Variants in CRIM1 observed in about 807,000 individuals in gnomAD.
The protein encoded by CRIM1 is cysteine rich transmembrane BMP regulator 1.
In CRIM1, 32 loss-of-function variants were observed where a neutral mutation model predicts 116.4. The ratio of observed to expected loss-of-function variants is 0.27; its 90% CI spans 0.21 to 0.37. CRIM1 has a LOEUF of 0.37. Ranked by LOEUF, CRIM1 falls within the 10% of genes least tolerant of loss-of-function variation. The pLI is 1.00. For synonymous variants in CRIM1, 590 were observed against 509.2 expected, an observed-to-expected ratio of 1.16 and a Z score of -2.13; for missense variants, 1,331 against 1,354.8, an observed-to-expected ratio of 0.98 and a Z score of 0.28.
rs964868501 is a variant in CRIM1, at chr2:36,549,485, T to C, written c.*784T>C. ...GTGAGCACTGGAGCTTTTTTTTTTT[T>C]ACAACGTGACAGGAAGAGGAGGGAG... On this transcript the variant is annotated 3_prime_UTR_variant, in exon 17 of 17. Transcript: ENST00000280527. 2.7e-5 allele frequency: 4 copies of C among 149,982 alleles called. No individual in the cohort carries two copies. Among genetic ancestry groups the C allele is most frequent in the Admixed American group, 6.7e-5 (1 of 15,022 alleles). 9.3% of individuals were successfully genotyped at this position (149,982 alleles called of 1,614,324 possible).
intron 5 of CRIM1, 66 bp from the exon 6 acceptor site, chr2:36,476,823 A>G (rs567306685): frequency 2.2e-6 from 3 of 1,382,298 alleles, no homozygotes; most frequent in Non-Finnish European, 3.0e-6. Flanking sequence ...GGCTGTTTGA[A>G]AAACATCAAA....
At chr2:36,503,632 A>T (rs563369478) in intron 8 of CRIM1, among the ~76,000 whole-genome samples, 8 of 148,700 alleles carry the variant, frequency 5.4e-5, no homozygotes, top group African/African-American at 2.0e-4. Context: ...TTTTCATTTC[A>T]TTGTAACCCT....
In CRIM1 at chr2:36,486,572, G is replaced by A. The variant is rs1165984550; in HGVS notation, c.1372+6878G>A. Among the ~76,000 whole-genome samples, 9 of 152,168 alleles carry A rather than the reference G, an allele frequency of 5.9e-5. No individual in the cohort carries two copies. In the East Asian group the frequency reaches 1.3e-3, roughly 23 times the overall value. ...TGATTAGAAATTCCTCTGCCCCTGA[G>A]TTTACAGAGCTCAGCTGTTAAGTAT... On this transcript the variant is annotated intron_variant, in intron 7 of 16. Transcript: ENST00000280527.
intron 7 of CRIM1, among the ~76,000 whole-genome samples, chr2:36,498,258 G>T (rs1680741248): frequency 6.6e-6 from 1 of 152,146 alleles, no homozygotes; most frequent in South Asian, 2.1e-4. Flanking sequence ...CATTACAGCA[G>T]ATTTTGTGTT....
At chr2:36,406,539 A>G (rs1386736342) in intron 2 of CRIM1, among the ~76,000 whole-genome samples, 3 of 151,964 alleles carry the variant, frequency 2.0e-5, no homozygotes, top group African/African-American at 7.2e-5. Flanking sequence ...TGCTCATGTC[A>G]GGAAAAACCT....
At chr2:36,381,637 TC>T (rs375793096) in intron 1 of CRIM1, among the ~76,000 whole-genome samples, 21 of 152,228 alleles carry the variant, frequency 1.4e-4, no homozygotes, top group African/African-American at 4.8e-4. Context: ...TAAAGAAACT[TC>T]CAGCCAGGTG....
chr2:36,548,812 G>C lies in CRIM1; in HGVS notation c.*111G>C. On this transcript the variant is annotated 3_prime_UTR_variant, in exon 17 of 17. Coordinates refer to ENST00000280527, the MANE Select transcript of CRIM1 (RefSeq NM_016441.3). Reference sequence around the variant, plus strand: ...AGTGGATTGTATTGGATTGTGACTTGATGTACAGCGCTAAGACCTTACTGG... The same window carrying C: ...AGTGGATTGTATTGGATTGTGACTTCATGTACAGCGCTAAGACCTTACTGG... The C allele has an allele frequency of 1.1e-6, 1 of 874,346 alleles. No individual in the cohort carries two copies. Among genetic ancestry groups the C allele is most frequent in the Non-Finnish European group, 1.8e-6 (1 of 570,636 alleles). 54.2% of individuals were successfully genotyped at this position (874,346 alleles called of 1,614,324 possible). A position where few individuals can be genotyped will look rare whatever the true frequency, so the allele number is the denominator to read the frequency against.
intron 1 of CRIM1, among the ~76,000 whole-genome samples, chr2:36,364,342 A>C (rs111825262): frequency 2.0e-5 from 3 of 152,228 alleles, no homozygotes; most frequent in Non-Finnish European, 4.4e-5. Flanking sequence ...GTTACCTGCT[A>C]TTATAGTCAT....
chr2:36,395,509 A>G (rs987370832), intron 1 of CRIM1, among the ~76,000 whole-genome samples: 4 of 152,220 alleles, frequency 2.6e-5, no homozygotes, highest in Non-Finnish European at 5.9e-5. Flanking sequence ...TAATGGCCCA[A>G]GGATTCACAG....
chr2:36,410,267 A>ATT lies in CRIM1; in HGVS notation c.505+13488_505+13489dup, dbSNP rs574425224. On this transcript the variant is annotated intron_variant, in intron 2 of 16. Coordinates refer to ENST00000280527, the MANE Select transcript of CRIM1 (RefSeq NM_016441.3). ...CATTATTCTTTTCTCTGTCACTGGG[A>ATT]TTTTTTTTTCAATTTCCCGAAAAGC... Among the ~76,000 whole-genome samples the ATT allele has an allele frequency of 5.8e-3, 868 of 150,658 alleles. 7 individuals are homozygous for ATT. The highest frequency in any genetic ancestry group is 0.02 in the African/African-American group (818 of 41,040).
Position 36,548,649 on chromosome 2 carries a change from G to A in CRIM1, c.3059G>A (p.Ser1020Asn), listed in dbSNP as rs771119466. The A allele has an allele frequency of 3.7e-6, 6 of 1,611,054 alleles. No homozygotes were observed. The Admixed American group carries it at 1.0e-4, about 27-fold the overall frequency. The change falls in exon 17 of 17, where the codon AGC (serine) becomes AAC (asparagine). Residue 1020 changes from serine to asparagine, a missense_variant. Physicochemically the swap from Ser to Asn is conservative, Grantham distance 46. Coordinates refer to ENST00000280527, the MANE Select transcript of CRIM1 (RefSeq NM_016441.3). ...GATGCAAGATTCAGTGGCTTCTACA[G>A]CATGCAAAAACAGAACCATCTACAG... ...EPDARFSGFY[S>N]MQKQNHLQAD... is the part of the protein sequence containing the mutation.
chr2:36,530,028 G>C (rs1666006870), intron 13 of CRIM1, among the ~76,000 whole-genome samples: 1 of 152,084 alleles, frequency 6.6e-6, no homozygotes, highest in Non-Finnish European at 1.5e-5. Context: ...GATGGATTAA[G>C]ATCAGATTTT....
chr2:36,394,606 C>T (rs1174688598), intron 1 of CRIM1, among the ~76,000 whole-genome samples: 1 of 151,588 alleles, frequency 6.6e-6, no homozygotes, highest in African/African-American at 2.4e-5. Flanking sequence ...TTGCTTCTCT[C>T]TGTCTATATA....
intron 11 of CRIM1, among the ~76,000 whole-genome samples, chr2:36,514,130 G>A (rs1664881869): frequency 6.6e-6 from 1 of 152,150 alleles, no homozygotes; most frequent in South Asian, 2.1e-4. Flanking sequence ...TGAGGGGATT[G>A]GTACTAGTTT....
intron 14 of CRIM1, among the ~76,000 whole-genome samples, chr2:36,542,268 T>A: frequency 6.6e-6 from 1 of 152,216 alleles, no homozygotes; most frequent in Admixed American, 6.5e-5. Context: ...GTGCCTGCCA[T>A]GTAGGAAGTG....
intron 5 of CRIM1, among the ~76,000 whole-genome samples, chr2:36,471,759 A>ACC (rs1678531819): frequency 8.0e-6 from 1 of 125,374 alleles, no homozygotes. Flanking sequence ...ACACACACAC[A>ACC]CCATCTTACA....
chr2:36,380,172 C>T (rs565174699), intron 1 of CRIM1, among the ~76,000 whole-genome samples: 1 of 152,348 alleles, frequency 6.6e-6, no homozygotes, highest in Non-Finnish European at 1.5e-5. Context: ...GTACTCCTGT[C>T]CTCAGAGTGC....
chr2:36,382,734 G>T (rs1048965884), intron 1 of CRIM1, among the ~76,000 whole-genome samples: 1 of 152,212 alleles, frequency 6.6e-6, no homozygotes, highest in Non-Finnish European at 1.5e-5. Flanking sequence ...GCATCTTCTG[G>T]TCTGCCTTGA....
Position 36,356,012 on chromosome 2 carries a change from A to C in CRIM1, c.-281A>C. On this transcript the variant is annotated 5_prime_UTR_variant, in exon 1 of 17. Transcript: ENST00000280527. This position sits in a 1 kb window ranked among gnomAD's most constrained non-coding sequence, Gnocchi z 4.3. ...GGTTGAACCGGAGCTGCCGGGAGGAAACTTTTTTCTTTTTTCCCCCTCCCT... is the reference window on the plus strand; with the variant it reads ...GGTTGAACCGGAGCTGCCGGGAGGACACTTTTTTCTTTTTTCCCCCTCCCT... The C allele has an allele frequency of 6.6e-6, 1 of 151,360 alleles. No individual in the cohort carries two copies. Among genetic ancestry groups the C allele is most frequent in the Non-Finnish European group, 1.5e-5 (1 of 68,108 alleles). The allele number at this position is 151,360 out of a possible 1,614,324, so 9.4% of individuals were successfully genotyped here. A position where few individuals can be genotyped will look rare whatever the true frequency, so the allele number is the denominator to read the frequency against.
Sources: gnomAD v4.1 joint callset for allele counts (sites outside exome capture counted in the v4.1 genomes callset) on GRCh38, gnomAD v4.1.1 for gene constraint, Gnocchi (gnomAD v3.1) non-coding constraint, MANE v1.5 for transcripts, NCBI Gene and HGNC (gene_info 2026-07-23, HGNC 2026-07-21) for gene names.